The following ZFPM1 variants were observed in gnomAD, a reference collection of about 807,000 sequenced individuals.
ZFPM1 encodes zinc finger protein, FOG family member 1.
In ZFPM1, 28 loss-of-function variants were observed where a neutral mutation model predicts 46.3. That is an observed-to-expected ratio of 0.60 (90% CI 0.45 to 0.83). The LOEUF is 0.83. Among genes scored for constraint, ZFPM1 ranks in the 40% least tolerant of loss-of-function variants. ZFPM1 has a pLI of 0.00. For synonymous variants in ZFPM1, 957 were observed against 675.9 expected (o/e 1.42, Z -6.45); for missense variants, 1,878 against 1,432.4 (o/e 1.31, Z -5.02).
At chr16:88,491,260 G>A (rs1909557906) in intron 3 of ZFPM1, among the ~76,000 whole-genome samples, 1 of 152,288 alleles carries the variant, frequency 6.6e-6, no homozygotes, top group Non-Finnish European at 1.5e-5. Flanking sequence ...GGGTAGCAGG[G>A]AGGGCGCCCA....
In ZFPM1 at chr16:88,534,149, G is replaced by GC; in HGVS notation, c.2196dup (p.Ser733LeufsTer344). ...ACCCCCTGGGCCGGCCGCGCCCCCGGCCCCCTCTCCCGCCGCGCCTGTGCG... is the reference window on the plus strand; with the variant it reads ...ACCCCCTGGGCCGGCCGCGCCCCCGGCCCCCCTCTCCCGCCGCGCCTGTGCG... On this transcript the variant is annotated frameshift_variant, in exon 10 of 10. Coordinates refer to ENST00000319555, the MANE Select transcript of ZFPM1 (RefSeq NM_153813.3). LOFTEE classifies it low-confidence loss of function (END_TRUNC). 2.0e-6 allele frequency: 2 copies of GC among 1,004,694 alleles called. No individual in the cohort carries two copies. Among genetic ancestry groups the GC allele is most frequent in the Non-Finnish European group, 2.4e-6 (2 of 846,630 alleles). The allele number at this position is 1,004,694 out of a possible 1,614,324, so 62.2% of individuals were successfully genotyped here.
chr16:88,525,120 G>A (rs889473816), intron 4 of ZFPM1, among the ~76,000 whole-genome samples: 2 of 152,378 alleles, frequency 1.3e-5, no homozygotes, highest in African/African-American at 2.4e-5. Context: ...AGTGCCCTGC[G>A]GATGGGCCAA....
chr16:88,526,751 C>A, intron 4 of ZFPM1, 63 bp from the exon 5 acceptor site: 6 of 1,515,380 alleles, frequency 4.0e-6, no homozygotes, highest in Non-Finnish European at 4.5e-6. Context: ...CACATACTCA[C>A]GGGAACCCCC....
chr16:88,462,085 C>T (rs1388987902), intron 1 of ZFPM1, among the ~76,000 whole-genome samples: 2 of 152,212 alleles, frequency 1.3e-5, no homozygotes, highest in African/African-American at 2.4e-5. Context: ...CCTGCTGAGG[C>T]AGGAATGTGG....
chr16:88,534,285 G>A lies in ZFPM1; in HGVS notation c.2327G>A (p.Gly776Glu). Residue 776 changes from glycine to glutamate, a missense_variant, in exon 10 of 10, where the codon GGA becomes GAA. Physicochemically the swap from Gly to Glu is moderately conservative, Grantham distance 98 (BLOSUM62 -2). Coordinates refer to ENST00000319555, the MANE Select transcript of ZFPM1 (RefSeq NM_153813.3). Reference protein sequence around the residue: ...PESPRPGSGSGSGPGLAPARS... With the variant: ...PESPRPGSGSESGPGLAPARS... Reference sequence around the variant, plus strand: ...TCGCCGCGGCCCGGAAGCGGAAGCGGAAGCGGCCCCGGCCTCGCCCCTGCG... The same window carrying A: ...TCGCCGCGGCCCGGAAGCGGAAGCGAAAGCGGCCCCGGCCTCGCCCCTGCG... The A allele has an allele frequency of 8.5e-7, 1 of 1,170,686 alleles. No individual in the cohort carries two copies. The highest frequency in any genetic ancestry group is 1.0e-6 in the Non-Finnish European group (1 of 952,440). 72.5% of individuals were successfully genotyped at this position (1,170,686 alleles called of 1,614,324 possible). A position where few individuals can be genotyped will look rare whatever the true frequency, so the allele number is the denominator to read the frequency against.
At chr16:88,509,645 G>T (rs990357738) in intron 3 of ZFPM1, among the ~76,000 whole-genome samples, 1 of 152,228 alleles carries the variant, frequency 6.6e-6, no homozygotes, top group Non-Finnish European at 1.5e-5. Context: ...GAGCAGAGTG[G>T]GTTCAGGAGC....
At chr16:88,508,980 G>A (rs879351918) in intron 3 of ZFPM1, among the ~76,000 whole-genome samples, 1 of 152,134 alleles carries the variant, frequency 6.6e-6, no homozygotes, top group African/African-American at 2.4e-5. Context: ...CAGAGGGGCC[G>A]GCTTGCCCCG....
intron 3 of ZFPM1, among the ~76,000 whole-genome samples, chr16:88,493,980 G>A (rs1288541602): frequency 1.3e-5 from 2 of 152,212 alleles, no homozygotes; most frequent in African/African-American, 2.4e-5. Flanking sequence ...ACAGCAGGCA[G>A]GCCGCCTGAC....
chr16:88,472,464 C>T (rs2142356144), intron 1 of ZFPM1, among the ~76,000 whole-genome samples: 1 of 151,766 alleles, frequency 6.6e-6, no homozygotes, highest in East Asian at 1.9e-4. Context: ...AGATATTCTC[C>T]TGCCTCAGCC....
chr16:88,497,705 G>A lies in ZFPM1; in HGVS notation c.268+8552G>A, dbSNP rs1478752662. 2.6e-5 allele frequency among the ~76,000 whole-genome samples: 4 copies of A among 152,132 alleles called. No homozygotes were observed. Among genetic ancestry groups the A allele is most frequent in the African/African-American group, 4.8e-5 (2 of 41,426 alleles). The stretch of plus-strand genomic sequence containing the variant: ...TGGGAGCCGGCAGCTGCTGTGAGGC[G>A]GGAGGAGGGCTCTGTCCACTATTTC... On this transcript the variant is annotated intron_variant, in intron 3 of 9. Transcript: ENST00000319555. The surrounding 1 kb of genome is among the most constrained non-coding windows in gnomAD (Gnocchi z 5.4).
At chr16:88,466,085 G>C (rs1161635656) in intron 1 of ZFPM1, among the ~76,000 whole-genome samples, 1 of 152,222 alleles carries the variant, frequency 6.6e-6, no homozygotes, top group Non-Finnish European at 1.5e-5. Flanking sequence ...GTGCAGGCCA[G>C]CTTGCCATTT....
At position 88,511,876 on chromosome 16, in the gene ZFPM1, G is replaced by A. The variant is rs367686593; in HGVS notation, c.269-2511G>A. ...TTCCCGTGCACAGCCCCTTGGAGAC[G>A]CATCCTGAACCCTGGTCCAGGGAGA... On this transcript the variant is annotated intron_variant, in intron 3 of 9. Coordinates refer to ENST00000319555, the MANE Select transcript of ZFPM1 (RefSeq NM_153813.3). 1.2e-3 allele frequency among the ~76,000 whole-genome samples: 181 copies of A among 152,252 alleles called. 1 individual carries two copies. Among genetic ancestry groups the A allele is most frequent in the Non-Finnish European group, 1.8e-3 (124 of 68,024 alleles).
At position 88,489,121 on chromosome 16, in the gene ZFPM1, A is replaced by C; in HGVS notation, c.236A>C (p.Glu79Ala). 1 of 1,610,946 alleles carries C rather than the reference A, an allele frequency of 6.2e-7. No homozygotes were observed. Among genetic ancestry groups the C allele is most frequent in the South Asian group, 1.1e-5 (1 of 90,806 alleles). Residue 79 changes from glutamate (E) to alanine (A), a missense_variant, in exon 3 of 10, where the codon GAG becomes GCG. Transcript: ENST00000319555. ...EGQEPEPRPT[E>A]EEPGSPWSGP... ...CAGGAACCAGAACCCAGGCCCACGG[A>C]GGAAGAGCCGGGCAGTCCCTGGAGC...
In ZFPM1 at chr16:88,534,306, C is replaced by G. The variant is rs1251585317; in HGVS notation, c.2348C>G (p.Pro783Arg). The change falls in exon 10 of 10, where the codon CCT becomes CGT. Residue 783 changes from proline (P) to arginine (R), a missense_variant. Pro to Arg is a moderately radical substitution (Grantham distance 103, BLOSUM62 -2). Transcript: ENST00000319555. ...SGSGSGPGLA[P>R]ARSPGPAADG... ...AGCGGAAGCGGCCCCGGCCTCGCCC[C>G]TGCGCGCTCGCCCGGCCCCGCGGCC... The G allele has an allele frequency of 4.6e-6, 6 of 1,301,200 alleles. No homozygotes were observed. The highest frequency in any genetic ancestry group is 5.9e-6 in the Non-Finnish European group (6 of 1,025,274). The allele number at this position is 1,301,200 out of a possible 1,614,324, so 80.6% of individuals were successfully genotyped here. A position where few individuals can be genotyped will look rare whatever the true frequency, so the allele number is the denominator to read the frequency against.
chr16:88,533,325 C>T lies in ZFPM1; in HGVS notation c.1367C>T (p.Pro456Leu), dbSNP rs1299216315. The part of the protein sequence containing the change: ...LAQNGGSSEP[P>L]AAPRSIKVEA... Reference sequence around the variant, plus strand: ...CAGAATGGAGGCAGCAGCGAGCCCCCGGCGGCCCCCAGGAGCATCAAGGTG... The same window carrying T: ...CAGAATGGAGGCAGCAGCGAGCCCCTGGCGGCCCCCAGGAGCATCAAGGTG... Residue 456 changes from proline to leucine, a missense_variant, in exon 10 of 10, where the codon CCG (proline) becomes CTG (leucine). By Grantham distance (98) the Pro-to-Leu change is moderately conservative. Coordinates refer to ENST00000319555, the MANE Select transcript of ZFPM1 (RefSeq NM_153813.3). 7 of 1,531,962 alleles carry T rather than the reference C, an allele frequency of 4.6e-6. No individual in the cohort carries two copies. Among genetic ancestry groups the T allele is most frequent in the Admixed American group, 2.0e-5 (1 of 50,052 alleles). 94.9% of individuals were successfully genotyped at this position (1,531,962 alleles called of 1,614,324 possible).
chr16:88,531,552 G>A (rs564279332), intron 6 of ZFPM1, among the ~76,000 whole-genome samples: 8 of 152,188 alleles, frequency 5.3e-5, no homozygotes, highest in Non-Finnish European at 1.2e-4. Context: ...CAGGGACTGT[G>A]TGCGTGGGTT....
intron 1 of ZFPM1, among the ~76,000 whole-genome samples, chr16:88,466,264 C>T (rs1056128927): frequency 1.3e-5 from 2 of 152,210 alleles, no homozygotes; most frequent in Non-Finnish European, 2.9e-5. Context: ...AGCTCCGTTA[C>T]CCAGCCCCGG....
chr16:88,487,538 G>C (rs866784164), intron 2 of ZFPM1, among the ~76,000 whole-genome samples: 8 of 152,170 alleles, frequency 5.3e-5, no homozygotes, highest in Non-Finnish European at 7.4e-5. Context: ...CAACGGGGGT[G>C]GGGGAGAGGT....
intron 1 of ZFPM1, among the ~76,000 whole-genome samples, chr16:88,479,451 C>T (rs1908828755): frequency 6.6e-6 from 1 of 152,082 alleles, no homozygotes; most frequent in Admixed American, 6.5e-5. Flanking sequence ...AGGCCCTCTG[C>T]AATGGCTCAC....
Sources: gnomAD v4.1 joint callset for allele counts (sites outside exome capture counted in the v4.1 genomes callset) on GRCh38, gnomAD v4.1.1 for gene constraint, Gnocchi (gnomAD v3.1) non-coding constraint, MANE v1.5 for transcripts, NCBI Gene and HGNC (gene_info 2026-07-23, HGNC 2026-07-21) for gene names.